Variants in XRCC2 observed in about 807,000 individuals in gnomAD.
The protein encoded by XRCC2 is DNA repair protein XRCC2.
XRCC2 carries 24 observed loss-of-function variants against 27.3 expected under a neutral mutation model. The ratio of observed to expected loss-of-function variants is 0.88; its 90% CI spans 0.64 to 1.24. The LOEUF (loss-of-function observed/expected upper bound fraction) is 1.24, where lower values mean the gene tolerates loss of function less well. Ranked by LOEUF, XRCC2 falls within the 50% of genes most tolerant of loss-of-function variation. The pLI is 0.00. For missense variants in XRCC2, 321 were observed against 325.8 expected (o/e 0.99, Z 0.11); for synonymous variants, 106 against 115.4 (o/e 0.92, Z 0.52).
chr7:152,649,132 A>T lies in XRCC2; in HGVS notation c.353T>A (p.Val118Glu). ...TAAGTGGGTGCTACTACTGCAGTAC[A>T]CCAAAAAAAATCTTCCCAGGCAGTA... ...IKYCLGRFFLVYCSSSTHLLL... is the reference protein window; with the variant it reads ...IKYCLGRFFLEYCSSSTHLLL... The change falls in exon 3 of 3, where the codon GTG becomes GAG. Residue 118 changes from valine to glutamate, a missense_variant. Val to Glu is a moderately radical substitution (Grantham distance 121, BLOSUM62 -2). Coordinates refer to ENST00000359321, the MANE Select transcript of XRCC2 (RefSeq NM_005431.2). 1.2e-6 allele frequency: 2 copies of T among 1,613,776 alleles called. No individual in the cohort carries two copies. The highest frequency in any genetic ancestry group is 1.7e-6 in the Non-Finnish European group (2 of 1,179,922).
At chr7:152,661,046 C>G (rs1202423069) in intron 1 of XRCC2, among the ~76,000 whole-genome samples, 1 of 152,064 alleles carries the variant, frequency 6.6e-6, no homozygotes, top group African/African-American at 2.4e-5. Flanking sequence ...ACACTGTAAT[C>G]CCAGCTACTG....
At chr7:152,649,436 A>G (rs2098027573) in intron 2 of XRCC2, 73 bp from the exon 3 acceptor site, 1 of 1,483,106 alleles carries the variant, frequency 6.7e-7, no homozygotes, top group Non-Finnish European at 8.9e-7. Flanking sequence ...AAGTCTGCAA[A>G]AAAGTTTAAA....
At chr7:152,667,835 G>C (rs2098036602) in intron 1 of XRCC2, among the ~76,000 whole-genome samples, 1 of 152,022 alleles carries the variant, frequency 6.6e-6, no homozygotes, top group Non-Finnish European at 1.5e-5. Flanking sequence ...AGACCAGCCT[G>C]GCTGACATGG....
At chr7:152,674,663 T>TTATAA (rs2098039537) in intron 1 of XRCC2, among the ~76,000 whole-genome samples, 1 of 137,948 alleles carries the variant, frequency 7.2e-6, no homozygotes, top group Non-Finnish European at 1.6e-5. Context: ...ATTATATACT[T>TTATAA]TCTATATAAT....
chr7:152,666,379 T>C (rs2098035663), intron 1 of XRCC2, among the ~76,000 whole-genome samples: 2 of 152,128 alleles, frequency 1.3e-5, no homozygotes, highest in African/African-American at 4.8e-5. Flanking sequence ...ACCCAGCTAA[T>C]TTTTTTACTT....
At chr7:152,674,639 ATAT>A (rs1250166347) in intron 1 of XRCC2, among the ~76,000 whole-genome samples, 1 of 131,804 alleles carries the variant, frequency 7.6e-6, no homozygotes, top group Non-Finnish European at 1.6e-5. Context: ...TATATAAAAA[ATAT>A]GTTTATATGT....
In XRCC2 at chr7:152,671,926, A is replaced by T. The variant is rs142336902; in HGVS notation, c.39+4115T>A. Among the ~76,000 whole-genome samples the T allele has an allele frequency of 8.5e-4, 130 of 152,302 alleles. 2 individuals are homozygous for T. Among genetic ancestry groups the T allele is most frequent in the African/African-American group, 2.6e-3 (108 of 41,566 alleles). ...CGTAGTGGTGTGTCCCTTTAGTCCC[A>T]GCTACTCGGGAGGCTGAGGTGGGAG... On this transcript the variant is annotated intron_variant, in intron 1 of 2. Transcript: ENST00000359321.
At chr7:152,649,904 G>T (rs973920318) in intron 2 of XRCC2, among the ~76,000 whole-genome samples, 2 of 152,152 alleles carry the variant, frequency 1.3e-5, no homozygotes, top group Non-Finnish European at 2.9e-5. Context: ...ACCCTCCTGT[G>T]GGGGTGGAGC....
At chr7:152,657,048 C>A (rs1486393068) in intron 2 of XRCC2, among the ~76,000 whole-genome samples, 1 of 151,784 alleles carries the variant, frequency 6.6e-6, no homozygotes, top group Non-Finnish European at 1.5e-5. Flanking sequence ...AGCAGCCTGG[C>A]CAACGTGGTG....
At chr7:152,658,507 G>C (rs763812263) in intron 2 of XRCC2, among the ~76,000 whole-genome samples, 1 of 152,168 alleles carries the variant, frequency 6.6e-6, no homozygotes, top group African/African-American at 2.4e-5. Context: ...CATTGACATT[G>C]CTGCAAAGCA....
At chr7:152,675,128 G>A (rs910231917) in intron 1 of XRCC2, among the ~76,000 whole-genome samples, 2 of 152,034 alleles carry the variant, frequency 1.3e-5, no homozygotes, top group Non-Finnish European at 2.9e-5. Context: ...CCAACCTATT[G>A]TCCCTCACTC....
Position 152,663,206 on chromosome 7 carries a change from G to A in XRCC2, c.40-2424C>T, listed in dbSNP as rs557676800. ...TGTTATTTGCCTAGTTTGATACTAA[G>A]GTCCTAAAAGCAATAGTGGGTACCT... is the stretch of plus-strand genomic sequence containing the variant. On this transcript the variant is annotated intron_variant, in intron 1 of 2. Coordinates refer to ENST00000359321, the MANE Select transcript of XRCC2 (RefSeq NM_005431.2). Among the ~76,000 whole-genome samples the A allele has an allele frequency of 9.9e-5, 15 of 152,102 alleles. No individual in the cohort carries two copies. The East Asian group carries it at 2.9e-3, about 29-fold the overall frequency.
chr7:152,658,841 T>C (rs562058572), intron 2 of XRCC2, among the ~76,000 whole-genome samples: 2 of 152,358 alleles, frequency 1.3e-5, no homozygotes, highest in East Asian at 3.9e-4. Flanking sequence ...TGATGGATAC[T>C]TTTCCCCCCA....
In XRCC2 at chr7:152,649,204, G is replaced by C. The variant is rs1046631077; in HGVS notation, c.281C>G (p.Thr94Arg). Residue 94 changes from threonine (T) to arginine (R), a missense_variant, in exon 3 of 3, where the codon ACA (threonine) becomes AGA (arginine). Transcript: ENST00000359321. ...DYHFDMLRLV[T>R]ILEHRLSQSS... ...TTGGGATAGTCTGTGCTCAAGAATT[G>C]TAACTAGCCGGAGCATATCAAAGTG... 1.9e-6 allele frequency: 3 copies of C among 1,613,814 alleles called. No individual in the cohort carries two copies. The highest frequency in any genetic ancestry group is 3.3e-5 in the Admixed American group (2 of 60,010).
rs2098027228 is a variant in XRCC2, at chr7:152,648,851, C to T, written c.634G>A (p.Ala212Thr). Residue 212 changes from alanine to threonine, a missense_variant, in exon 3 of 3, where the codon GCC (alanine) becomes ACC (threonine). Ala to Thr is a moderately conservative substitution (Grantham distance 58, BLOSUM62 0). Transcript: ENST00000359321. Reference sequence around the variant, plus strand: ...TCCACATCACACAGTCGTCGAGAGGCATGAGAAGGTTCTTCTGATGAGCTC... The same window carrying T: ...TCCACATCACACAGTCGTCGAGAGGTATGAGAAGGTTCTTCTGATGAGCTC... ...ASSSSEEPSH[A>T]SRRLCDVDID... is the part of the protein sequence containing the mutation. 6.2e-7 allele frequency: 1 copy of T among 1,613,822 alleles called. No homozygotes were observed.
At chr7:152,673,593 C>A (rs1416307875) in intron 1 of XRCC2, among the ~76,000 whole-genome samples, 1 of 152,064 alleles carries the variant, frequency 6.6e-6, no homozygotes. Flanking sequence ...GCAGGCCAGG[C>A]GTGGTGGCTC....
At position 152,645,874 on chromosome 7, in the gene XRCC2, A is replaced by C. The variant is rs577801870; in HGVS notation, c.*2768T>G. Reference sequence around the variant, plus strand: ...CGAGGCTGCAGTGAGTTATGATGCCACTGCACTCCAGCCTGGGCAACGGAG... The same window carrying C: ...CGAGGCTGCAGTGAGTTATGATGCCCCTGCACTCCAGCCTGGGCAACGGAG... On this transcript the variant is annotated 3_prime_UTR_variant, in exon 3 of 3. Transcript: ENST00000359321. The C allele has an allele frequency of 6.6e-6, 1 of 152,356 alleles. No homozygotes were observed. The highest frequency in any genetic ancestry group is 2.1e-4 in the South Asian group (1 of 4,838). The allele number at this position is 152,356 out of a possible 1,614,324, so 9.4% of individuals were successfully genotyped here.
In XRCC2 at chr7:152,661,239, TTTTG is replaced by T. The variant is rs773621186; in HGVS notation, c.40-461_40-458del. 2.3e-4 allele frequency among the ~76,000 whole-genome samples: 35 copies of T among 152,236 alleles called. 1 individual carries two copies. The highest frequency in any genetic ancestry group is 4.8e-4 in the Non-Finnish European group (33 of 68,048). Reference sequence around the variant, plus strand: ...TTACTTATTTTTCAGATATTTTACTTTTTGTTTATCTACCAAATACTGACAGTAT... The same window carrying T: ...TTACTTATTTTTCAGATATTTTACTTTTTATCTACCAAATACTGACAGTAT... On this transcript the variant is annotated intron_variant, in intron 1 of 2. Coordinates refer to ENST00000359321, the MANE Select transcript of XRCC2 (RefSeq NM_005431.2).
At chr7:152,654,518 GGAAAA>G in intron 2 of XRCC2, among the ~76,000 whole-genome samples, 1 of 152,240 alleles carries the variant, frequency 6.6e-6, no homozygotes, top group South Asian at 2.1e-4. Context: ...AAAACAGCAG[GGAAAA>G]GATCACTGAG....
Sources: gnomAD v4.1 joint callset for allele counts (sites outside exome capture counted in the v4.1 genomes callset) on GRCh38, gnomAD v4.1.1 for gene constraint, MANE v1.5 for transcripts, NCBI Gene and HGNC (gene_info 2026-07-23, HGNC 2026-07-21) for gene names.